The following LRRFIP1 variants were observed in gnomAD, a reference collection of about 807,000 sequenced individuals.
LRRFIP1 encodes the protein leucine-rich repeat flightless-interacting protein 1.
A neutral mutation model predicts 104.4 loss-of-function variants in LRRFIP1; 62 were observed. The ratio of observed to expected loss-of-function variants is 0.59; its 90% CI spans 0.48 to 0.73. The LOEUF is 0.73. Ranked by LOEUF, LRRFIP1 falls within the 30% of genes least tolerant of loss-of-function variation. The pLI is 0.00. For synonymous variants in LRRFIP1, 300 were observed against 299.0 expected, an observed-to-expected ratio of 1.00 and a Z score of -0.03; for missense variants, 796 against 824.5, an observed-to-expected ratio of 0.97 and a Z score of 0.42.
At chr2:237,772,988 GT>G (rs756982070) in intron 22 of LRRFIP1, 43 bp downstream of exon 22, 8 of 1,499,646 alleles carry the variant, frequency 5.3e-6, no homozygotes, top group South Asian at 2.3e-5. Flanking sequence ...ATTGACTGGA[GT>G]TTTACTTGCT....
chr2:237,741,837 G>A (rs963127566), intron 11 of LRRFIP1, among the ~76,000 whole-genome samples: 6 of 150,542 alleles, frequency 4.0e-5, no homozygotes, highest in African/African-American at 9.8e-5. Context: ...AAAAAAAAAA[G>A]AAAAAAGAAA....
chr2:237,740,904 C>T (rs188743908), intron 11 of LRRFIP1, among the ~76,000 whole-genome samples: 128 of 152,336 alleles, frequency 8.4e-4, no homozygotes, highest in African/African-American at 2.5e-3. Context: ...TCTCCTCCAT[C>T]CAGCCATGGA....
chr2:237,671,056 G>T (rs1286811336), intron 1 of LRRFIP1, among the ~76,000 whole-genome samples: 1 of 152,178 alleles, frequency 6.6e-6, no homozygotes, highest in Non-Finnish European at 1.5e-5. Flanking sequence ...TCTGAAGAGC[G>T]CTATGTTCTC....
At chr2:237,643,558 C>T (rs777197091) in intron 1 of LRRFIP1, among the ~76,000 whole-genome samples, 4 of 152,214 alleles carry the variant, frequency 2.6e-5, no homozygotes, top group African/African-American at 7.2e-5. Context: ...GTGACCTTCC[C>T]GCTGGGCGAA....
intron 18 of LRRFIP1, among the ~76,000 whole-genome samples, chr2:237,759,203 G>A (rs1167307363): frequency 6.6e-6 from 1 of 152,190 alleles, no homozygotes; most frequent in African/African-American, 2.4e-5. Context: ...ACTTGGGTAA[G>A]TGGTTTGGGC....
chr2:237,682,027 T>G (rs1234142260), intron 1 of LRRFIP1, among the ~76,000 whole-genome samples: 1 of 152,142 alleles, frequency 6.6e-6, no homozygotes, highest in Non-Finnish European at 1.5e-5. Context: ...AACACAGTGC[T>G]GGGCTCGAAG....
At chr2:237,672,462 T>C (rs544561709) in intron 1 of LRRFIP1, among the ~76,000 whole-genome samples, 159 of 152,304 alleles carry the variant, frequency 1.0e-3, no homozygotes, top group African/African-American at 3.8e-3. Flanking sequence ...AAAATCAAGG[T>C]GAGAAATGTA....
chr2:237,664,705 C>T (rs1372362506), intron 1 of LRRFIP1, among the ~76,000 whole-genome samples: 1 of 152,190 alleles, frequency 6.6e-6, no homozygotes, highest in Non-Finnish European at 1.5e-5. Context: ...GCATAGTGTT[C>T]TCTTCCCACA....
intron 1 of LRRFIP1, among the ~76,000 whole-genome samples, chr2:237,660,615 G>A (rs1353876810): frequency 6.6e-6 from 1 of 152,212 alleles, no homozygotes; most frequent in Non-Finnish European, 1.5e-5. Flanking sequence ...CCCATGATAT[G>A]AAATTCCAAG....
intron 22 of LRRFIP1, 128 bp from the exon 23 acceptor site, chr2:237,774,230 G>A: frequency 1.5e-6 from 1 of 648,168 alleles, no homozygotes; most frequent in Non-Finnish European, 2.7e-6. Context: ...AGTCCAAAAT[G>A]TTATAAGTAT....
intron 1 of LRRFIP1, among the ~76,000 whole-genome samples, chr2:237,662,280 C>T (rs993397005): frequency 2.0e-5 from 3 of 152,126 alleles, no homozygotes; most frequent in African/African-American, 4.8e-5. Context: ...GAGGGCCCAC[C>T]CTAATCTAGT....
rs1224118983 is a variant in LRRFIP1 at position 237,707,701 on chromosome 2, A to C, written c.97-843A>C. Reference sequence around the variant, plus strand: ...CATGCAGTTTTTAAAATGACTTGTAAGTTGTTTGTAGAAACAGTTCAGATG... The same window carrying C: ...CATGCAGTTTTTAAAATGACTTGTACGTTGTTTGTAGAAACAGTTCAGATG... On this transcript the variant is annotated intron_variant, in intron 1 of 23. Coordinates refer to ENST00000308482, the MANE Select transcript of LRRFIP1 (RefSeq NM_001137550.2). Among the ~76,000 whole-genome samples, 3 of 152,210 alleles carry C rather than the reference A, an allele frequency of 2.0e-5. No homozygotes were observed. In the East Asian group the frequency reaches 5.8e-4, roughly 29 times the overall value.
chr2:237,719,813 T>TA (rs2094473182), intron 5 of LRRFIP1, among the ~76,000 whole-genome samples: 1 of 152,170 alleles, frequency 6.6e-6, no homozygotes, highest in African/African-American at 2.4e-5. Flanking sequence ...TCAGTATTAA[T>TA]ATATTCATGA....
chr2:237,760,299 TGG>T, intron 19 of LRRFIP1, 94 bp downstream of exon 19: 1 of 1,381,990 alleles, frequency 7.2e-7, no homozygotes, highest in Non-Finnish European at 9.9e-7. Flanking sequence ...CCGTCGCTGA[TGG>T]GTTAACAGTC....
chr2:237,761,095 G>A (rs539289990), intron 19 of LRRFIP1, among the ~76,000 whole-genome samples: 4 of 152,284 alleles, frequency 2.6e-5, no homozygotes, highest in African/African-American at 9.6e-5. Flanking sequence ...TAATGTAGAA[G>A]CTTTCATCTT....
intron 19 of LRRFIP1, chr2:237,762,745 G>A: frequency 1.2e-6 from 2 of 1,614,234 alleles, no homozygotes; most frequent in East Asian, 2.2e-5. Flanking sequence ...CTGCTGGTGA[G>A]AATACCGAGG....
chr2:237,654,612 G>A (rs563813020), intron 1 of LRRFIP1, among the ~76,000 whole-genome samples: 10 of 151,570 alleles, frequency 6.6e-5, no homozygotes, highest in South Asian at 4.2e-4. Context: ...GTGCAATGGC[G>A]CAATCTCTGC....
In LRRFIP1 at chr2:237,678,103, TC is replaced by T. The variant is rs1397289731; in HGVS notation, c.97-30440del. On this transcript the variant is annotated intron_variant, in intron 1 of 23. Coordinates refer to ENST00000308482, the MANE Select transcript of LRRFIP1 (RefSeq NM_001137550.2). The stretch of plus-strand genomic sequence containing the variant: ...ATGAGCTTCCATTGCCTAATATCAT[TC>T]TTTGGAGGCACAGTCATAGCTCCTT... Among the ~76,000 whole-genome samples, 4 of 152,118 alleles carry T rather than the reference TC, an allele frequency of 2.6e-5. No homozygotes were observed. The South Asian group carries it at 6.2e-4, about 24-fold the overall frequency.
chr2:237,645,459 C>T (rs2084737922), intron 1 of LRRFIP1, among the ~76,000 whole-genome samples: 1 of 152,028 alleles, frequency 6.6e-6, no homozygotes, highest in South Asian at 2.1e-4. Flanking sequence ...CCTTCCTACC[C>T]CTCACCGTTC....
Sources: gnomAD v4.1 joint callset for allele counts (sites outside exome capture counted in the v4.1 genomes callset) on GRCh38, gnomAD v4.1.1 for gene constraint, MANE v1.5 for transcripts, NCBI Gene and HGNC (gene_info 2026-07-23, HGNC 2026-07-21) for gene names.